PTPRD: variants seen among roughly 807,000 people sequenced by gnomAD.
PTPRD encodes protein tyrosine phosphatase receptor type D.
In PTPRD, 34 loss-of-function variants were observed where a neutral mutation model predicts 214.5. The ratio of observed to expected loss-of-function variants is 0.16; its 90% confidence interval spans 0.12 to 0.21. The LOEUF (loss-of-function observed/expected upper bound fraction) is 0.21, where lower values mean the gene tolerates loss of function less well. Among genes scored for constraint, PTPRD ranks in the 10% least tolerant of loss-of-function variants. The pLI, the probability that PTPRD is intolerant of heterozygous loss-of-function variation, is 1.00. For missense variants in PTPRD, 2,545 were observed against 2,398.7 expected (o/e 1.06, Z -1.27); for synonymous variants, 1,128 against 845.7 (o/e 1.33, Z -5.79).
chr9:9,634,698 G>C (rs558963957), intron 7 of PTPRD, among the ~76,000 whole-genome samples: 1 of 152,256 alleles, frequency 6.6e-6, no homozygotes, highest in South Asian at 2.1e-4. Context: ...AATTCTTAAA[G>C]CTCAAAAATC....
Position 10,064,846 on chromosome 9 carries a change from A to C in PTPRD, c.-544-31056T>G, listed in dbSNP as rs555895741. ...TATAAAATAAATAAATAATTGTTTG[A>C]ATTACTTAAAAGAAAACTAGAGTTG... is the stretch of plus-strand genomic sequence containing the variant. On this transcript the variant is annotated intron_variant, in intron 3 of 45. Coordinates refer to ENST00000381196, the MANE Select transcript of PTPRD (RefSeq NM_002839.4). 5.9e-5 allele frequency among the ~76,000 whole-genome samples: 9 copies of C among 152,140 alleles called. No individual in the cohort carries two copies. The East Asian group carries it at 1.7e-3, about 29-fold the overall frequency.
At chr9:10,222,164 T>C (rs1338144679) in intron 3 of PTPRD, among the ~76,000 whole-genome samples, 1 of 152,056 alleles carries the variant, frequency 6.6e-6, no homozygotes, top group African/African-American at 2.4e-5. Flanking sequence ...TGAAAATATA[T>C]TTGTATAAAA....
intron 3 of PTPRD, among the ~76,000 whole-genome samples, chr9:10,271,947 T>C (rs1284508808): frequency 6.6e-6 from 1 of 152,198 alleles, no homozygotes. Flanking sequence ...CATTGTTCAG[T>C]AACAACTTCA....
chr9:10,045,450 A>T (rs1008199023), intron 3 of PTPRD, among the ~76,000 whole-genome samples: 6 of 151,642 alleles, frequency 4.0e-5, no homozygotes, highest in African/African-American at 1.2e-4. Flanking sequence ...AGCCTTGATT[A>T]TCAAGGATTG....
At chr9:10,026,588 G>C (rs944596162) in intron 4 of PTPRD, among the ~76,000 whole-genome samples, 1 of 152,114 alleles carries the variant, frequency 6.6e-6, no homozygotes, top group Non-Finnish European at 1.5e-5. Context: ...CTTTGGAGCA[G>C]TCACAGTACA....
At chr9:9,122,090 G>C (rs547794443) in intron 10 of PTPRD, among the ~76,000 whole-genome samples, 2 of 152,260 alleles carry the variant, frequency 1.3e-5, no homozygotes, top group South Asian at 4.1e-4. Context: ...AAAAAAAGTA[G>C]ATCCTTGAAA....
chr9:8,835,442 T>C (rs980533588), intron 11 of PTPRD, among the ~76,000 whole-genome samples: 2 of 152,196 alleles, frequency 1.3e-5, no homozygotes, highest in African/African-American at 4.8e-5. Flanking sequence ...TTGACCACAT[T>C]AATTAAAGCA....
chr9:9,172,133 A>G (rs1442095107), intron 10 of PTPRD, among the ~76,000 whole-genome samples: 1 of 152,172 alleles, frequency 6.6e-6, no homozygotes, highest in Admixed American at 6.6e-5. Context: ...TGAGCTAGTT[A>G]TAATCTTAGC....
chr9:9,275,138 T>TATATA (rs1555159687), intron 9 of PTPRD, among the ~76,000 whole-genome samples: 1 of 53,902 alleles, frequency 1.9e-5, no homozygotes, highest in Non-Finnish European at 3.3e-5. Context: ...TTATATATAA[T>TATATA]ATATATATAA....
At chr9:10,234,524 A>C in intron 3 of PTPRD, among the ~76,000 whole-genome samples, 1 of 151,990 alleles carries the variant, frequency 6.6e-6, no homozygotes, top group Non-Finnish European at 1.5e-5. Context: ...TGGTATATGG[A>C]ATTATCAAAG....
chr9:9,692,370 T>C (rs2097289226), intron 7 of PTPRD, among the ~76,000 whole-genome samples: 1 of 152,048 alleles, frequency 6.6e-6, no homozygotes, highest in African/African-American at 2.4e-5. Context: ...CCAGCACCAT[T>C]TATTGAAGAG....
intron 39 of PTPRD, among the ~76,000 whole-genome samples, chr9:8,374,887 C>T (rs1203831404): frequency 6.6e-6 from 1 of 151,810 alleles, no homozygotes; most frequent in Non-Finnish European, 1.5e-5. Context: ...TTCTGATCAG[C>T]CCGTTGACCC....
At chr9:10,424,674 A>T (rs1405359385) in intron 2 of PTPRD, among the ~76,000 whole-genome samples, 2 of 151,918 alleles carry the variant, frequency 1.3e-5, no homozygotes, top group African/African-American at 4.8e-5. Flanking sequence ...GGGTTTGGAA[A>T]CCCAGAGTCA....
intron 24 of PTPRD, 133 bp downstream of exon 24, chr9:8,500,621 C>T (rs1432790769): frequency 3.4e-6 from 1 of 297,520 alleles, no homozygotes; most frequent in Non-Finnish European, 4.9e-6. Flanking sequence ...AAGTCTTTGG[C>T]AAAAATACTA....
chr9:9,930,147 C>T (rs894137879), intron 5 of PTPRD, among the ~76,000 whole-genome samples: 5 of 152,110 alleles, frequency 3.3e-5, no homozygotes, highest in Admixed American at 6.6e-5. Context: ...CACAAATGAG[C>T]GCTCAAGGGA....
chr9:10,237,819 C>A (rs2099633961), intron 3 of PTPRD, among the ~76,000 whole-genome samples: 1 of 151,886 alleles, frequency 6.6e-6, no homozygotes, highest in Admixed American at 6.6e-5. Context: ...GTATAGTGTC[C>A]ATGTTGGACC....
chr9:10,455,708 A>G (rs960306466), intron 2 of PTPRD, among the ~76,000 whole-genome samples: 2 of 151,796 alleles, frequency 1.3e-5, no homozygotes, highest in Non-Finnish European at 3.0e-5. Flanking sequence ...TATGTTCTCC[A>G]AATTCTGTGA....
At chr9:9,283,882 G>A (rs1218856243) in intron 9 of PTPRD, among the ~76,000 whole-genome samples, 1 of 151,400 alleles carries the variant, frequency 6.6e-6, no homozygotes. Context: ...CTTACGCAGA[G>A]GAAAACTAAT....
rs113084652 is a variant in PTPRD, at chr9:8,707,865, G to A, written c.64+25915C>T. ...CATCTCCCAGGTACCACATCTCTCG[G>A]CTTACCTATACTGGTTGTGTATTGT... is the stretch of plus-strand genomic sequence containing the variant. On this transcript the variant is annotated intron_variant, in intron 12 of 45. Transcript: ENST00000381196. Among the ~76,000 whole-genome samples, 294 of 152,222 alleles carry A rather than the reference G, an allele frequency of 1.9e-3. 8 individuals carry two copies. Among genetic ancestry groups the A allele is most frequent in the African/African-American group, 6.8e-3 (283 of 41,536 alleles).
Sources: gnomAD v4.1 joint callset for allele counts (sites outside exome capture counted in the v4.1 genomes callset) on GRCh38, gnomAD v4.1.1 for gene constraint, MANE v1.5 for transcripts, NCBI Gene and HGNC (gene_info 2026-07-23, HGNC 2026-07-21) for gene names.